The following LRRC4C variants were observed in gnomAD, a reference collection of about 807,000 sequenced individuals.
The protein encoded by LRRC4C is leucine rich repeat containing 4C.
LRRC4C carries 5 observed loss-of-function variants against 33.6 expected under a neutral mutation model. That is an observed-to-expected ratio of 0.15 (90% CI 0.08 to 0.31). The LOEUF is 0.31. LRRC4C is among the 10% of genes least tolerant of loss of function. The probability of loss-of-function intolerance (pLI) is 1.00; values close to 1 mark genes in which losing one functional copy is unlikely to be tolerated. For missense variants in LRRC4C, 560 were observed against 796.7 expected, an observed-to-expected ratio of 0.70 and a Z score of 3.58; for synonymous variants, 329 against 302.0, an observed-to-expected ratio of 1.09 and a Z score of -0.93.
In LRRC4C at chr11:40,993,536, T is replaced by C. The variant is rs574915436; in HGVS notation, c.-495-59813A>G. 1.1e-4 allele frequency among the ~76,000 whole-genome samples: 17 copies of C among 152,304 alleles called. No homozygotes were observed. In the East Asian group the frequency reaches 3.1e-3, roughly 28 times the overall value. Reference sequence around the variant, plus strand: ...AATGAAAGGACACCTGCATTGAAACTTTTTAGGCACTCCTTTGATTGCTTT... The same window carrying C: ...AATGAAAGGACACCTGCATTGAAACCTTTTAGGCACTCCTTTGATTGCTTT... On this transcript the variant is annotated intron_variant, in intron 1 of 6. Coordinates refer to ENST00000528697, the MANE Select transcript of LRRC4C (RefSeq NM_001258419.2).
chr11:40,564,809 C>A (rs1471220437), intron 3 of LRRC4C, among the ~76,000 whole-genome samples: 1 of 152,060 alleles, frequency 6.6e-6, no homozygotes, highest in Admixed American at 6.5e-5. Context: ...CTTTAGTGGA[C>A]AAGTTGCCAT....
At chr11:40,883,435 A>G (rs535114505) in intron 2 of LRRC4C, among the ~76,000 whole-genome samples, 1 of 152,204 alleles carries the variant, frequency 6.6e-6, no homozygotes, top group East Asian at 1.9e-4. Context: ...AAAGATTTCT[A>G]TCAGCAGATA....
At chr11:40,637,706 C>A (rs11035980) in intron 3 of LRRC4C, among the ~76,000 whole-genome samples, 32,167 of 152,108 alleles carry the variant, frequency 0.21, 3,701 homozygotes, top group East Asian at 0.47. Context: ...TAGAATCCAA[C>A]CAGTTCTTAC....
At chr11:40,272,003 C>T (rs1942741107) in intron 4 of LRRC4C, among the ~76,000 whole-genome samples, 1 of 152,026 alleles carries the variant, frequency 6.6e-6, no homozygotes, top group East Asian at 1.9e-4. Context: ...CTATAAAATA[C>T]CATGAAAAAC....
At chr11:40,693,489 C>T (rs887662686) in intron 2 of LRRC4C, among the ~76,000 whole-genome samples, 1 of 151,942 alleles carries the variant, frequency 6.6e-6, no homozygotes, top group South Asian at 2.1e-4. Flanking sequence ...GGGTGAGGGC[C>T]GGGCTCTGCA....
chr11:40,527,008 C>A (rs1441787767), intron 3 of LRRC4C, among the ~76,000 whole-genome samples: 1 of 152,044 alleles, frequency 6.6e-6, no homozygotes, highest in East Asian at 1.9e-4. Flanking sequence ...ACAAAAGAAG[C>A]TAGACATATA....
intron 2 of LRRC4C, among the ~76,000 whole-genome samples, chr11:40,675,168 A>G (rs1944333729): frequency 6.6e-6 from 1 of 152,074 alleles, no homozygotes; most frequent in Non-Finnish European, 1.5e-5. Context: ...ACCCATTTAG[A>G]CTTAGGAATT....
In LRRC4C at chr11:40,385,252, T is replaced by G. The variant is rs141015020; in HGVS notation, c.-269-65531A>C. The stretch of plus-strand genomic sequence containing the variant: ...AAGAAAATCTGAGTGAATGATTCAT[T>G]CTTCTTACTGGGAGGAAACATTAAG... On this transcript the variant is annotated intron_variant, in intron 3 of 6. Coordinates refer to ENST00000528697, the MANE Select transcript of LRRC4C (RefSeq NM_001258419.2). Among the ~76,000 whole-genome samples, 306 of 152,254 alleles carry G rather than the reference T, an allele frequency of 2.0e-3. 5 individuals are homozygous for G. The East Asian group carries it at 0.029, about 14-fold the overall frequency.
intron 5 of LRRC4C, among the ~76,000 whole-genome samples, chr11:40,213,301 A>T (rs572845289): frequency 6.6e-6 from 1 of 152,258 alleles, no homozygotes; most frequent in East Asian, 1.9e-4. Flanking sequence ...TCTTCATGTA[A>T]GGGCAAAAGG....
At chr11:40,740,951 G>A (rs1948130193) in intron 2 of LRRC4C, among the ~76,000 whole-genome samples, 2 of 151,860 alleles carry the variant, frequency 1.3e-5, no homozygotes, top group South Asian at 4.2e-4. Flanking sequence ...GATTTATTTT[G>A]GGGCTTTCTA....
At chr11:41,021,649 T>C (rs1855993678) in intron 1 of LRRC4C, among the ~76,000 whole-genome samples, 1 of 152,098 alleles carries the variant, frequency 6.6e-6, no homozygotes, top group African/African-American at 2.4e-5. Flanking sequence ...ATTATGCTAA[T>C]ACTATGGTTC....
At chr11:40,333,536 G>A (rs1216017121) in intron 3 of LRRC4C, among the ~76,000 whole-genome samples, 2 of 151,862 alleles carry the variant, frequency 1.3e-5, no homozygotes, top group Non-Finnish European at 2.9e-5. Context: ...GGCCAACATG[G>A]TGAAATCCCG....
At chr11:41,030,126 G>A (rs994636236) in intron 1 of LRRC4C, among the ~76,000 whole-genome samples, 1 of 151,814 alleles carries the variant, frequency 6.6e-6, no homozygotes, top group Non-Finnish European at 1.5e-5. Flanking sequence ...CATAAAGGCT[G>A]TAAGAAAAAA....
At chr11:40,286,131 G>C (rs1485681437) in intron 4 of LRRC4C, among the ~76,000 whole-genome samples, 1 of 152,094 alleles carries the variant, frequency 6.6e-6, no homozygotes, top group African/African-American at 2.4e-5. Flanking sequence ...AACACTGATA[G>C]TACCAAACCC....
chr11:40,656,501 C>G (rs1028514404), intron 2 of LRRC4C, among the ~76,000 whole-genome samples: 20 of 147,046 alleles, frequency 1.4e-4, no homozygotes, highest in African/African-American at 4.8e-4. Context: ...AAAGGCAATA[C>G]ATTTATTGCT....
chr11:40,737,983 A>C (rs1033369917), intron 2 of LRRC4C, among the ~76,000 whole-genome samples: 6 of 152,180 alleles, frequency 3.9e-5, no homozygotes, highest in African/African-American at 1.4e-4. Context: ...TTGCAAGGCT[A>C]CAGTAACCAA....
intron 3 of LRRC4C, among the ~76,000 whole-genome samples, chr11:40,501,141 G>T (rs1234181794): frequency 1.3e-5 from 2 of 152,072 alleles, no homozygotes; most frequent in Non-Finnish European, 2.9e-5. Context: ...TGGTGCAAGG[G>T]GGTGGGTTCC....
chr11:40,289,754 A>G (rs1308713103), intron 4 of LRRC4C, among the ~76,000 whole-genome samples: 1 of 152,246 alleles, frequency 6.6e-6, no homozygotes, highest in Non-Finnish European at 1.5e-5. Context: ...GGTTCCTAAC[A>G]GTAGAGTTGC....
intron 4 of LRRC4C, among the ~76,000 whole-genome samples, chr11:40,276,674 AGTGTGTGTGTGTGTGTGTGTGT>A (rs56155922): frequency 1.2e-4 from 15 of 127,644 alleles, no homozygotes; most frequent in African/African-American, 3.0e-4. Context: ...GTGGGAAACA[AGTGTGTGTGTGTGTGTGTGTGT>A]GTGTGTGTGT....
Sources: gnomAD v4.1 joint callset for allele counts (sites outside exome capture counted in the v4.1 genomes callset) on GRCh38, gnomAD v4.1.1 for gene constraint, MANE v1.5 for transcripts, NCBI Gene and HGNC (gene_info 2026-07-23, HGNC 2026-07-21) for gene names.